Variants in MED12L observed in about 807,000 individuals in gnomAD.
The protein encoded by MED12L is mediator of RNA polymerase II transcription subunit 12-like protein.
MED12L carries 60 observed loss-of-function variants against 281.3 expected under a neutral mutation model. The observed-to-expected ratio is 0.21, with a 90% CI of 0.17 to 0.26. The LOEUF is 0.26. Ranked by LOEUF, MED12L falls within the 10% of genes least tolerant of loss-of-function variation. MED12L has a pLI of 1.00. For synonymous variants in MED12L, 974 were observed against 987.2 expected, an observed-to-expected ratio of 0.99 and a Z score of 0.25; for missense variants, 2,146 against 2,680.9, an observed-to-expected ratio of 0.80 and a Z score of 4.41.
In MED12L at chr3:151,372,734, G is replaced by T. The variant is rs760790831; in HGVS notation, c.3832G>T (p.Ala1278Ser). Residue 1278 changes from alanine to serine, a missense_variant, in exon 27 of 45, where the codon GCT becomes TCT. Physicochemically the swap from Ala to Ser is moderately conservative, Grantham distance 99. Around this residue, in one of 9 missense-constraint regions of MED12L, gnomAD observed 235 missense variants for 260.3 expected, o/e 0.90. Coordinates refer to ENST00000687756, the MANE Select transcript of MED12L (RefSeq NM_001393769.1). ...SIETANLREY[A>S]RYVLRTICQQ... ...AGAAACTGCCAATTTAAGAGAATAC[G>T]CTAGATATGTACTGAGGACTATCTG... is the stretch of plus-strand genomic sequence containing the variant. 6 of 1,613,708 alleles carry T rather than the reference G, an allele frequency of 3.7e-6. No individual in the cohort carries two copies. Among genetic ancestry groups the T allele is most frequent in the South Asian group, 1.1e-5 (1 of 91,078 alleles).
In MED12L at chr3:151,343,202, A is replaced by C. The variant is rs1287769713; in HGVS notation, c.2251-6857A>C. Among the ~76,000 whole-genome samples the C allele has an allele frequency of 5.9e-5, 9 of 152,198 alleles. No homozygotes were observed. The East Asian group carries it at 1.7e-3, about 29-fold the overall frequency. ...AAATTGTAAATGCTAAAGGATGTTT[A>C]TGATGCTTTTTCTAAGACCATCAAA... On this transcript the variant is annotated intron_variant, in intron 16 of 44. Coordinates refer to ENST00000687756, the MANE Select transcript of MED12L (RefSeq NM_001393769.1).
At chr3:151,170,453 T>G (rs1228144012) in intron 11 of MED12L, among the ~76,000 whole-genome samples, 1 of 151,844 alleles carries the variant, frequency 6.6e-6, no homozygotes, top group Non-Finnish European at 1.5e-5. Context: ...TTTTTCTATT[T>G]TTAGTAGAGA....
intron 40 of MED12L, 145 bp downstream of exon 40, chr3:151,409,477 C>A: frequency 1.4e-6 from 1 of 700,872 alleles, no homozygotes; most frequent in Admixed American, 2.7e-5. Context: ...ATTGATATTT[C>A]AAAAAAGCAT....
At chr3:151,136,960 A>G (rs958277852) in intron 5 of MED12L, among the ~76,000 whole-genome samples, 4 of 152,000 alleles carry the variant, frequency 2.6e-5, no homozygotes, top group Admixed American at 6.6e-5. Context: ...TCAGGAGATC[A>G]AGACCATCCT....
chr3:151,149,544 G>C (rs1718180627), intron 5 of MED12L, among the ~76,000 whole-genome samples: 1 of 152,122 alleles, frequency 6.6e-6, no homozygotes, highest in Non-Finnish European at 1.5e-5. Flanking sequence ...AGGGTTGATG[G>C]CTGCTGACTG....
At chr3:151,272,362 T>C (rs1378737735) in intron 16 of MED12L, among the ~76,000 whole-genome samples, 1 of 152,226 alleles carries the variant, frequency 6.6e-6, no homozygotes, top group Non-Finnish European at 1.5e-5. Context: ...GTTTTTCTAC[T>C]CAGTATATCA....
chr3:151,413,793 G>T (rs1052290283), intron 42 of MED12L, among the ~76,000 whole-genome samples: 1 of 151,944 alleles, frequency 6.6e-6, no homozygotes, highest in Non-Finnish European at 1.5e-5. Flanking sequence ...TCTTGTCTTT[G>T]TTAGAATCCA....
intron 16 of MED12L, among the ~76,000 whole-genome samples, chr3:151,287,231 A>G (rs1005017026): frequency 1.4e-4 from 21 of 152,200 alleles, no homozygotes; most frequent in Non-Finnish European, 3.1e-4. Context: ...AATGTAAATC[A>G]TGGCAGTTGG....
chr3:151,202,531 G>A lies in MED12L; in HGVS notation c.2250+8865G>A, dbSNP rs115859621. ...ACTAAAAATACAAAAATTAGCCAACGCGGTGGCGGGCACCTGTAATCCCAG... is the reference window on the plus strand; with the variant it reads ...ACTAAAAATACAAAAATTAGCCAACACGGTGGCGGGCACCTGTAATCCCAG... On this transcript the variant is annotated intron_variant, in intron 16 of 44. Transcript: ENST00000687756. Among the ~76,000 whole-genome samples the A allele has an allele frequency of 5.3e-3, 801 of 152,196 alleles. 9 individuals carry two copies. The highest frequency in any genetic ancestry group is 0.018 in the African/African-American group (758 of 41,532).
At chr3:151,165,392 A>G in intron 9 of MED12L, 28 bp from the exon 10 acceptor site, 7 of 1,586,362 alleles carry the variant, frequency 4.4e-6, no homozygotes, top group Non-Finnish European at 6.1e-6. Context: ...TTCCAAGCAC[A>G]AGTTAATTAG....
intron 16 of MED12L, among the ~76,000 whole-genome samples, chr3:151,344,601 C>T (rs1277359862): frequency 6.6e-6 from 1 of 152,160 alleles, no homozygotes; most frequent in Non-Finnish European, 1.5e-5. Context: ...GTGCAGTTTA[C>T]TTCCGGATAT....
intron 19 of MED12L, 96 bp from the exon 20 acceptor site, chr3:151,357,117 T>C: frequency 1.0e-6 from 1 of 997,712 alleles, no homozygotes; most frequent in East Asian, 2.7e-5. Flanking sequence ...GTATTTGTAG[T>C]GTAATGACTC....
chr3:151,154,279 A>C (rs570962934), intron 5 of MED12L, among the ~76,000 whole-genome samples: 45 of 152,238 alleles, frequency 3.0e-4, no homozygotes, highest in African/African-American at 1.0e-3. Flanking sequence ...AGAGGGCTTT[A>C]TTTATGGACT....
At chr3:151,153,253 G>A (rs1265201666) in intron 5 of MED12L, among the ~76,000 whole-genome samples, 1 of 152,136 alleles carries the variant, frequency 6.6e-6, no homozygotes, top group Non-Finnish European at 1.5e-5. Flanking sequence ...AGGAATAGTG[G>A]TTCCAGAATT....
intron 16 of MED12L, among the ~76,000 whole-genome samples, chr3:151,290,418 G>A (rs1744090040): frequency 1.3e-5 from 2 of 152,080 alleles, no homozygotes; most frequent in Admixed American, 6.6e-5. Flanking sequence ...CAAAATGAAA[G>A]TTGCATTCAA....
chr3:151,282,543 C>CA (rs1252795137), intron 16 of MED12L, among the ~76,000 whole-genome samples: 2 of 151,964 alleles, frequency 1.3e-5, no homozygotes, highest in African/African-American at 4.8e-5. Flanking sequence ...GTACAGTGTA[C>CA]AAGGATATTT....
At chr3:151,427,065 G>A (rs73159938) in intron 43 of MED12L, among the ~76,000 whole-genome samples, 12,095 of 152,118 alleles carry the variant, frequency 0.08, 650 homozygotes, top group Middle Eastern at 0.14. Context: ...CTGTCTGCTC[G>A]CCTTGGCCTC....
chr3:151,400,188 C>A (rs968772170), intron 39 of MED12L, among the ~76,000 whole-genome samples: 16 of 152,206 alleles, frequency 1.1e-4, no homozygotes, highest in Non-Finnish European at 2.1e-4. Flanking sequence ...CAGAAGCAAT[C>A]TAAAGTTTTG....
intron 3 of MED12L, among the ~76,000 whole-genome samples, chr3:151,119,732 A>G (rs975743250): frequency 6.6e-6 from 1 of 152,142 alleles, no homozygotes; most frequent in Admixed American, 6.5e-5. Flanking sequence ...AATGGAAATA[A>G]CATCTATTAC....
Sources: allele counts gnomAD v4.1 joint callset (sites outside exome capture counted in the v4.1 genomes callset), GRCh38; gene constraint gnomAD v4.1.1; regional missense constraint gnomAD v4.1.1; transcripts MANE v1.5; gene names NCBI Gene and HGNC (gene_info 2026-07-23, HGNC 2026-07-21).